Variants in GPC5 observed in about 807,000 individuals in gnomAD.
GPC5 encodes the protein glypican-5.
A neutral mutation model predicts 53.9 loss-of-function variants in GPC5; 47 were observed. The observed-to-expected ratio is 0.87, with a 90% CI of 0.69 to 1.11. The LOEUF (loss-of-function observed/expected upper bound fraction) is 1.11, where lower values mean the gene tolerates loss of function less well. Ranked by LOEUF, GPC5 falls within the 50% of genes most tolerant of loss-of-function variation. The pLI, the probability that GPC5 is intolerant of heterozygous loss-of-function variation, is 0.00. For synonymous variants in GPC5, 286 were observed against 263.3 expected, an observed-to-expected ratio of 1.09 and a Z score of -0.84; for missense variants, 748 against 713.1, an observed-to-expected ratio of 1.05 and a Z score of -0.56.
intron 6 of GPC5, among the ~76,000 whole-genome samples, chr13:92,008,132 G>A (rs1164057441): frequency 4.1e-5 from 6 of 145,168 alleles, no homozygotes; most frequent in South Asian, 2.2e-4. Context: ...GCGCAATCTC[G>A]GCTCACTGCA....
intron 1 of GPC5, among the ~76,000 whole-genome samples, chr13:91,439,681 A>G (rs184726290): frequency 4.4e-4 from 67 of 152,206 alleles, no homozygotes; most frequent in African/African-American, 1.6e-3. Flanking sequence ...GCTAAAATCT[A>G]AGGATTATCC....
chr13:92,162,152 C>A (rs1261922879), intron 7 of GPC5, among the ~76,000 whole-genome samples: 1 of 151,494 alleles, frequency 6.6e-6, no homozygotes, highest in Non-Finnish European at 1.5e-5. Context: ...CATTATGATG[C>A]TCACATAAGA....
intron 2 of GPC5, among the ~76,000 whole-genome samples, chr13:91,666,028 C>A (rs2035103748): frequency 6.6e-6 from 1 of 152,220 alleles, no homozygotes; most frequent in Admixed American, 6.5e-5. Flanking sequence ...ACACGATGCT[C>A]ACTACTTTTT....
At chr13:92,383,517 G>A (rs1478187935) in intron 7 of GPC5, among the ~76,000 whole-genome samples, 4 of 152,064 alleles carry the variant, frequency 2.6e-5, no homozygotes, top group Non-Finnish European at 4.4e-5. Context: ...AACATATTAC[G>A]CTATGCTTAT....
intron 7 of GPC5, among the ~76,000 whole-genome samples, chr13:92,578,143 C>G (rs532913585): frequency 6.6e-6 from 1 of 152,130 alleles, no homozygotes; most frequent in Non-Finnish European, 1.5e-5. Flanking sequence ...GACAAGCATT[C>G]TTATTTTCTG....
chr13:92,846,401 A>T (rs1210119956), intron 7 of GPC5, among the ~76,000 whole-genome samples: 4 of 152,184 alleles, frequency 2.6e-5, no homozygotes, highest in Non-Finnish European at 4.4e-5. Context: ...GTACCAAGAT[A>T]ATACTTTAGT....
At chr13:92,582,019 A>T (rs1310407833) in intron 7 of GPC5, among the ~76,000 whole-genome samples, 1 of 152,006 alleles carries the variant, frequency 6.6e-6, no homozygotes, top group African/African-American at 2.4e-5. Flanking sequence ...CACTCTGTTG[A>T]CTGTTTCCTC....
chr13:92,062,164 G>A (rs772260207), intron 6 of GPC5, among the ~76,000 whole-genome samples: 94 of 151,586 alleles, frequency 6.2e-4, no homozygotes, highest in Non-Finnish European at 1.2e-3. Context: ...TTTTTGGGGG[G>A]AATTAGACTG....
At chr13:91,405,923 C>T (rs1316272987) in intron 1 of GPC5, among the ~76,000 whole-genome samples, 1 of 152,150 alleles carries the variant, frequency 6.6e-6, no homozygotes. Context: ...AGGTGCATGC[C>T]ACCATGCCCA....
intron 6 of GPC5, among the ~76,000 whole-genome samples, chr13:91,908,491 T>C (rs1384594515): frequency 6.6e-6 from 1 of 152,166 alleles, no homozygotes; most frequent in Admixed American, 6.6e-5. Context: ...ATGAATAATA[T>C]GTATTTATAA....
At chr13:91,901,539 A>G (rs1033836907) in intron 5 of GPC5, among the ~76,000 whole-genome samples, 5 of 152,106 alleles carry the variant, frequency 3.3e-5, no homozygotes, top group African/African-American at 1.2e-4. Context: ...TGAGTGTACA[A>G]AAGTCAACAC....
rs189579346 is a variant in GPC5, at chr13:91,586,327, T to C, written c.326-106860T>C. Among the ~76,000 whole-genome samples, 12 of 148,312 alleles carry C rather than the reference T, an allele frequency of 8.1e-5. No individual in the cohort carries two copies. The Middle Eastern group carries it at 0.014, about 169-fold the overall frequency. On this transcript the variant is annotated intron_variant, in intron 2 of 7. Transcript: ENST00000377067. ...GAATATAAGATTGTTTCAAAGGGCA[T>C]ACTAGTTAAGGACAAGGGTATTAGT...
chr13:92,295,423 A>G (rs539621263), intron 7 of GPC5, among the ~76,000 whole-genome samples: 5 of 152,138 alleles, frequency 3.3e-5, no homozygotes, highest in Non-Finnish European at 4.4e-5. Flanking sequence ...ATTGAGGCTC[A>G]TTTTGTGTCC....
At chr13:91,599,172 T>G (rs1223145391) in intron 2 of GPC5, among the ~76,000 whole-genome samples, 1 of 152,118 alleles carries the variant, frequency 6.6e-6, no homozygotes, top group African/African-American at 2.4e-5. Flanking sequence ...ATTTAAAAAT[T>G]TCCTATGAAA....
intron 2 of GPC5, among the ~76,000 whole-genome samples, chr13:91,516,742 G>A (rs1885522155): frequency 6.6e-6 from 1 of 152,186 alleles, no homozygotes; most frequent in Admixed American, 6.5e-5. Context: ...TTCTTCATGA[G>A]GGCCCTGCCC....
chr13:92,695,109 T>A (rs1887520423), intron 7 of GPC5, among the ~76,000 whole-genome samples: 1 of 152,124 alleles, frequency 6.6e-6, no homozygotes, highest in Non-Finnish European at 1.5e-5. Flanking sequence ...GAACTGTGAG[T>A]CAATTAAACC....
intron 6 of GPC5, among the ~76,000 whole-genome samples, chr13:92,118,923 G>A (rs1289535290): frequency 6.6e-6 from 1 of 152,156 alleles, no homozygotes; most frequent in Non-Finnish European, 1.5e-5. Flanking sequence ...AAAAGTAGAA[G>A]AAAAGGTTTT....
chr13:91,722,934 T>A (rs1246164629), intron 3 of GPC5, among the ~76,000 whole-genome samples: 3 of 152,194 alleles, frequency 2.0e-5, no homozygotes, highest in Non-Finnish European at 1.5e-5. Context: ...GGTAGCTTGT[T>A]TAAAGGCAGT....
At chr13:92,699,071 T>A (rs890684826) in intron 7 of GPC5, among the ~76,000 whole-genome samples, 1 of 152,110 alleles carries the variant, frequency 6.6e-6, no homozygotes, top group African/African-American at 2.4e-5. Context: ...TTTTTTTTGG[T>A]TGGTAGGCTA....
Sources: gnomAD v4.1 joint callset for allele counts (sites outside exome capture counted in the v4.1 genomes callset) on GRCh38, gnomAD v4.1.1 for gene constraint, MANE v1.5 for transcripts, NCBI Gene and HGNC (gene_info 2026-07-23, HGNC 2026-07-21) for gene names.